ANO4: variants seen among roughly 807,000 people sequenced by gnomAD.
ANO4 encodes anoctamin 4.
ANO4 carries 69 observed loss-of-function variants against 141.9 expected under a neutral mutation model. That is an observed-to-expected ratio of 0.49 (90% CI 0.40 to 0.59). The LOEUF (loss-of-function observed/expected upper bound fraction) is 0.59. Among genes scored for constraint, ANO4 ranks in the 20% least tolerant of loss-of-function variants. The pLI is 0.00. For missense variants in ANO4, 894 were observed against 1,162.2 expected (o/e 0.77, Z 3.36); for synonymous variants, 350 against 394.3 (o/e 0.89, Z 1.33).
chr12:100,787,696 A>T (rs76210713), intron 3 of ANO4, among the ~76,000 whole-genome samples: 5,192 of 152,268 alleles, frequency 0.034, 295 homozygotes, highest in African/African-American at 0.12. Context: ...TCAGGAGGTG[A>T]TATGGACAAA....
chr12:100,970,353 G>T (rs1305299328), intron 5 of ANO4, among the ~76,000 whole-genome samples: 3 of 152,132 alleles, frequency 2.0e-5, no homozygotes, highest in African/African-American at 7.2e-5. Context: ...AGCCTCTTCT[G>T]ATGCCACTCT....
At chr12:100,800,073 A>G (rs1242980617) in intron 1 of ANO4, among the ~76,000 whole-genome samples, 1 of 152,126 alleles carries the variant, frequency 6.6e-6, no homozygotes, top group African/African-American at 2.4e-5. Flanking sequence ...TGTTTATGGT[A>G]ATTTGTTTAT....
chr12:100,786,388 A>G (rs1485305369), intron 3 of ANO4, among the ~76,000 whole-genome samples: 1 of 152,156 alleles, frequency 6.6e-6, no homozygotes, highest in African/African-American at 2.4e-5. Flanking sequence ...GCTGGTGTGA[A>G]GGGTCCCTTG....
intron 3 of ANO4, among the ~76,000 whole-genome samples, chr12:100,745,651 G>A (rs181697092): frequency 1.1e-4 from 17 of 152,272 alleles, no homozygotes; most frequent in Non-Finnish European, 2.4e-4. Context: ...GGAGAAGGTT[G>A]AAATGTAGAA....
intron 7 of ANO4, among the ~76,000 whole-genome samples, chr12:100,975,490 C>T (rs1345300638): frequency 6.7e-6 from 1 of 149,680 alleles, no homozygotes; most frequent in Non-Finnish European, 1.5e-5. Context: ...GGTACCATCT[C>T]CGCTAACCGC....
At chr12:100,924,107 TA>T (rs1435562873) in intron 3 of ANO4, among the ~76,000 whole-genome samples, 1 of 152,190 alleles carries the variant, frequency 6.6e-6, no homozygotes, top group Non-Finnish European at 1.5e-5. Context: ...ACTCTGATGG[TA>T]GTTTCTTTTG....
intron 1 of ANO4, among the ~76,000 whole-genome samples, chr12:100,810,796 C>A (rs2135703135): frequency 6.6e-6 from 1 of 152,172 alleles, no homozygotes; most frequent in East Asian, 1.9e-4. Flanking sequence ...CAGGGAGGGT[C>A]ACTTTAGCAA....
chr12:100,805,892 C>A (rs2034991178), intron 1 of ANO4, among the ~76,000 whole-genome samples: 1 of 152,108 alleles, frequency 6.6e-6, no homozygotes, highest in Non-Finnish European at 1.5e-5. Context: ...CATGTGGCCA[C>A]AAGGTCCCTG....
intron 15 of ANO4, among the ~76,000 whole-genome samples, chr12:101,082,209 C>T (rs960487848): frequency 2.6e-5 from 4 of 152,086 alleles, no homozygotes; most frequent in African/African-American, 9.7e-5. Context: ...CTCTTGAGAT[C>T]TGATGGTTTT....
intron 1 of ANO4, among the ~76,000 whole-genome samples, chr12:100,727,641 T>C (rs556334521): frequency 6.6e-6 from 1 of 152,338 alleles, no homozygotes; most frequent in African/African-American, 2.4e-5. Flanking sequence ...GTCTCTTAAA[T>C]AGCAAATTTA....
chr12:100,811,214 G>T (rs1230331784), intron 1 of ANO4, among the ~76,000 whole-genome samples: 1 of 152,056 alleles, frequency 6.6e-6, no homozygotes, highest in Admixed American at 6.6e-5. Context: ...ATTAAATATG[G>T]CTGAAAATTA....
intron 3 of ANO4, among the ~76,000 whole-genome samples, chr12:100,762,085 C>T (rs1319404668): frequency 3.3e-5 from 5 of 152,122 alleles, no homozygotes; most frequent in Non-Finnish European, 7.4e-5. Flanking sequence ...AGAAACCTTA[C>T]AAAGTTCCCT....
At chr12:100,893,049 T>A (rs1311616861) in intron 1 of ANO4, among the ~76,000 whole-genome samples, 1 of 152,178 alleles carries the variant, frequency 6.6e-6, no homozygotes, top group Admixed American at 6.5e-5. Flanking sequence ...TGGGTAGGTC[T>A]TGGTGTAGTT....
At chr12:100,993,336 C>T (rs930511001) in intron 8 of ANO4, among the ~76,000 whole-genome samples, 5 of 152,006 alleles carry the variant, frequency 3.3e-5, no homozygotes, top group Non-Finnish European at 7.4e-5. Context: ...CAAGGTGGGC[C>T]TACAGGTAGA....
chr12:101,068,573 G>A, intron 14 of ANO4: 1 of 1,387,828 alleles, frequency 7.2e-7, no homozygotes, highest in Middle Eastern at 2.2e-4. Context: ...GATGTTTGGT[G>A]GCTTCTTCAA....
chr12:101,003,386 A>G (rs1320361298), intron 8 of ANO4, among the ~76,000 whole-genome samples: 3 of 152,248 alleles, frequency 2.0e-5, no homozygotes, highest in Non-Finnish European at 4.4e-5. Context: ...GATGTGGCAT[A>G]TATCACATAT....
intron 8 of ANO4, among the ~76,000 whole-genome samples, chr12:101,012,652 G>C (rs2046145041): frequency 6.6e-6 from 1 of 152,132 alleles, no homozygotes; most frequent in South Asian, 2.1e-4. Context: ...GAAAGGTGAA[G>C]TCATTGAAGA....
rs148041984 is a variant in ANO4 at position 100,739,952 on chromosome 12, G to A, written c.205G>A (p.Val69Ile). Residue 69 changes from valine (V) to isoleucine (I), a missense_variant, in exon 3 of 30, where the codon GTC (valine) becomes ATC (isoleucine). Coordinates refer to the ANO4 transcript ENST00000644049. ...CCTCCCATCAGATCTGCCTCTCTTC[G>A]TCTCCAAAGATGCAGGCATCCCTGT... is the stretch of plus-strand genomic sequence containing the variant. The A allele has an allele frequency of 1.5e-3, 1,070 of 702,480 alleles. 6 individuals carry two copies. The highest frequency in any genetic ancestry group is 3.4e-3 in the African/African-American group (192 of 57,280). The allele number at this position is 702,480 out of a possible 1,614,324, so 43.5% of individuals were successfully genotyped here.
At chr12:101,065,337 T>C (rs572840443) in intron 14 of ANO4, among the ~76,000 whole-genome samples, 7 of 152,276 alleles carry the variant, frequency 4.6e-5, no homozygotes, top group Non-Finnish European at 7.4e-5. Context: ...CTAGTGTATA[T>C]TCTGCTGTTG....
Sources: gnomAD v4.1 joint callset for allele counts (sites outside exome capture counted in the v4.1 genomes callset) on GRCh38, gnomAD v4.1.1 for gene constraint, MANE v1.5 for transcripts, NCBI Gene and HGNC (gene_info 2026-07-23, HGNC 2026-07-21) for gene names.